BOD1L1: variants seen among roughly 807,000 people sequenced by gnomAD.
BOD1L1 encodes biorientation of chromosomes in cell division protein 1-like 1.
In BOD1L1, 86 loss-of-function variants were observed where a neutral mutation model predicts 240.7. That is an observed-to-expected ratio of 0.36 (90% CI 0.30 to 0.43). The LOEUF is 0.43. Among genes scored for constraint, BOD1L1 ranks in the 20% least tolerant of loss-of-function variants. The pLI is 1.00. For missense variants in BOD1L1, 3,554 were observed against 3,643.5 expected (o/e 0.98, Z 0.63); for synonymous variants, 1,268 against 1,272.3 (o/e 1.00, Z 0.07).
chr4:13,608,496 T>G, intron 8 of BOD1L1, 34 bp downstream of exon 8: 5 of 1,476,224 alleles, frequency 3.4e-6, no homozygotes, highest in Non-Finnish European at 4.5e-6. Context: ...CAGGGGAGTG[T>G]TATAAGGGAA....
Position 13,607,193 on chromosome 4 carries a change from AG to A in BOD1L1, c.1743-5del. On this transcript the variant is annotated splice_region_variant and splice_polypyrimidine_tract_variant and intron_variant, in intron 8 of 25. Coordinates refer to ENST00000040738, the MANE Select transcript of BOD1L1 (RefSeq NM_148894.3). ...TTTGGAGTTCTCTTCAACATTCCTA[AG>A]GGGGAAAGAGTCAAATATAAAGCAT... The A allele has an allele frequency of 6.5e-7, 1 of 1,547,510 alleles. No individual in the cohort carries two copies. The highest frequency in any genetic ancestry group is 8.7e-7 in the Non-Finnish European group (1 of 1,147,000).
chr4:13,581,675 T>A (rs573172311), intron 19 of BOD1L1, among the ~76,000 whole-genome samples: 1 of 152,268 alleles, frequency 6.6e-6, no homozygotes, highest in African/African-American at 2.4e-5. Context: ...GTCTCTTGAT[T>A]TATGGTGCTC....
rs763986375 is a variant in BOD1L1 at position 13,602,297 on chromosome 4, C to T, written c.4603G>A (p.Ala1535Thr). The change falls in exon 10 of 26, where the codon GCT becomes ACT. Residue 1535 changes from alanine to threonine, a missense_variant. Physicochemically the swap from Ala to Thr is moderately conservative, Grantham distance 58. Coordinates refer to ENST00000040738, the MANE Select transcript of BOD1L1 (RefSeq NM_148894.3). Reference protein sequence around the residue: ...DKDVTLSPVKAGPATTTSSET... With the variant: ...DKDVTLSPVKTGPATTTSSET... ...GAAGAAGTGGTTGTGGCAGGCCCAG[C>T]CTTCACTGGACTTAAGGTGACATCT... 4 of 1,613,800 alleles carry T rather than the reference C, an allele frequency of 2.5e-6. No homozygotes were observed. In the East Asian group the frequency reaches 6.7e-5, roughly 27 times the overall value.
chr4:13,602,302 A>C lies in BOD1L1; in HGVS notation c.4598T>G (p.Val1533Gly), dbSNP rs750512286. Reference protein sequence around the residue: ...GKDKDVTLSPVKAGPATTTSS... With the variant: ...GKDKDVTLSPGKAGPATTTSS... ...AGTGGTTGTGGCAGGCCCAGCCTTC[A>C]CTGGACTTAAGGTGACATCTTTGTC... Residue 1533 changes from valine (V) to glycine (G), a missense_variant, in exon 10 of 26, where the codon GTG (valine) becomes GGG (glycine). Transcript: ENST00000040738. 1.2e-6 allele frequency: 2 copies of C among 1,613,822 alleles called. No homozygotes were observed. Among genetic ancestry groups the C allele is most frequent in the South Asian group, 2.2e-5 (2 of 91,050 alleles).
intron 25 of BOD1L1, among the ~76,000 whole-genome samples, chr4:13,571,974 G>A (rs946136916): frequency 6.6e-6 from 1 of 152,340 alleles, no homozygotes; most frequent in East Asian, 1.9e-4. Flanking sequence ...AATGTGGTAA[G>A]AGGTCAAAAC....
chr4:13,614,005 T>C (rs757331964), intron 4 of BOD1L1, among the ~76,000 whole-genome samples, 191 bp downstream of exon 4: 15 of 152,176 alleles, frequency 9.9e-5, no homozygotes, highest in Non-Finnish European at 1.8e-4. Context: ...TTCTGTTAAT[T>C]TACTCTGTGA....
chr4:13,592,130 A>G, intron 12 of BOD1L1, 164 bp from the exon 13 acceptor site: 1 of 569,968 alleles, frequency 1.8e-6, no homozygotes, highest in South Asian at 2.5e-5. Flanking sequence ...CCCACAATCA[A>G]TCCATGTTGT....
At chr4:13,627,284 G>A (rs925034400) in intron 1 of BOD1L1, 61 bp downstream of exon 1, 7 of 1,015,036 alleles carry the variant, frequency 6.9e-6, no homozygotes, top group East Asian at 4.1e-5. Context: ...CACTGCAAAA[G>A]AAGCGCGCCC....
intron 2 of BOD1L1, among the ~76,000 whole-genome samples, chr4:13,616,639 A>G (rs1716615895): frequency 6.6e-6 from 1 of 152,236 alleles, no homozygotes; most frequent in Admixed American, 6.5e-5. Flanking sequence ...TCTCTATGGA[A>G]TGGATGAGGA....
intron 9 of BOD1L1, among the ~76,000 whole-genome samples, chr4:13,605,823 C>T (rs921450818): frequency 5.9e-5 from 9 of 152,050 alleles, no homozygotes; most frequent in African/African-American, 1.4e-4. Flanking sequence ...TACACAATAA[C>T]GCACAGTAAC....
Position 13,604,253 on chromosome 4 carries a change from T to C in BOD1L1, c.2647A>G (p.Met883Val), listed in dbSNP as rs1438369329. 3 of 1,613,486 alleles carry C rather than the reference T, an allele frequency of 1.9e-6. No homozygotes were observed. Among genetic ancestry groups the C allele is most frequent in the South Asian group, 1.1e-5 (1 of 90,874 alleles). The stretch of plus-strand genomic sequence containing the variant: ...TCTTCTGGTTTCAAATTACTATCCA[T>C]GTTAGTGGAGTCCATATCACACTTA... ...EDKCDMDSTN[M>V]DSNLKPEEVV... Residue 883 changes from methionine to valine, a missense_variant, in exon 10 of 26, where the codon ATG becomes GTG. Met to Val is a conservative substitution (Grantham distance 21). This residue lies in a region of BOD1L1 where 3,393 missense variants were observed against 3,427.1 expected (regional missense o/e 0.99). Coordinates refer to ENST00000040738, the MANE Select transcript of BOD1L1 (RefSeq NM_148894.3).
rs1003783528 is a variant in BOD1L1 at position 13,620,128 on chromosome 4, A to C, written c.244-61T>G. 2.8e-5 allele frequency: 41 copies of C among 1,473,252 alleles called. No homozygotes were observed. The African/African-American group carries it at 5.4e-4, about 19-fold the overall frequency. 91.3% of individuals were successfully genotyped at this position (1,473,252 alleles called of 1,614,324 possible). A position where few individuals can be genotyped will look rare whatever the true frequency, so the allele number is the denominator to read the frequency against. ...TATACAGTATCAATATTCACCTCTC[A>C]GAAAAGTATTTTTACCATGGGACAA... is the stretch of plus-strand genomic sequence containing the variant. On this transcript the variant is annotated intron_variant, in intron 1 of 25. Coordinates refer to ENST00000040738, the MANE Select transcript of BOD1L1 (RefSeq NM_148894.3).
Position 13,603,829 on chromosome 4 carries a change from C to A in BOD1L1, c.3071G>T (p.Ser1024Ile). ...TATGTCTTTACTACTATGCTTTAAG[C>A]TTCTGCTTTTGTGGCCATCTGACAA... ...RKLSDGHKSRSLKHSSKDIKK... is the reference protein window; with the variant it reads ...RKLSDGHKSRILKHSSKDIKK... The change falls in exon 10 of 26, where the codon AGC becomes ATC. Residue 1024 changes from serine (S) to isoleucine (I), a missense_variant. By Grantham distance (142) the Ser-to-Ile change is moderately radical. This residue lies in a region of BOD1L1 where 3,393 missense variants were observed against 3,427.1 expected (regional missense o/e 0.99). Coordinates refer to ENST00000040738, the MANE Select transcript of BOD1L1 (RefSeq NM_148894.3). 6.2e-7 allele frequency: 1 copy of A among 1,613,414 alleles called. No individual in the cohort carries two copies. Among genetic ancestry groups the A allele is most frequent in the South Asian group, 1.1e-5 (1 of 91,074 alleles).
chr4:13,570,272 T>C (rs772165835), intron 25 of BOD1L1, 144 bp from the exon 26 acceptor site: 2 of 542,220 alleles, frequency 3.7e-6, no homozygotes, highest in East Asian at 3.6e-5. Context: ...GAAAAGGAGC[T>C]ACCTCGCGAA....
chr4:13,613,616 G>C lies in BOD1L1; in HGVS notation c.1220C>G (p.Thr407Arg). ...DSDVDGLTDI[T>R]VSSVHTSDLS... ...GTCACTGGTATGAACAGAGCTAACT[G>C]TGATGTCTGTAAGTCCATCCACATC... Residue 407 changes from threonine to arginine, a missense_variant, in exon 5 of 26, where the codon ACA becomes AGA. Physicochemically the swap from Thr to Arg is moderately conservative, Grantham distance 71 (BLOSUM62 -1). Transcript: ENST00000040738. The surrounding 1 kb of genome is among the most constrained non-coding windows in gnomAD (Gnocchi z 4.0). The C allele has an allele frequency of 6.2e-7, 1 of 1,607,076 alleles. No individual in the cohort carries two copies. The highest frequency in any genetic ancestry group is 8.5e-7 in the Non-Finnish European group (1 of 1,175,140).
At chr4:13,589,193 C>G (rs189695361) in intron 14 of BOD1L1, among the ~76,000 whole-genome samples, 12 of 152,212 alleles carry the variant, frequency 7.9e-5, no homozygotes, top group Admixed American at 2.0e-4. Context: ...CAAACAATAC[C>G]AAATATGGCA....
At chr4:13,621,452 A>G (rs1444463795) in intron 1 of BOD1L1, among the ~76,000 whole-genome samples, 1 of 152,188 alleles carries the variant, frequency 6.6e-6, no homozygotes, top group Non-Finnish European at 1.5e-5. Flanking sequence ...TCACCTTCAG[A>G]GCTCACCCTA....
chr4:13,592,161 G>T (rs575188958), intron 12 of BOD1L1, 195 bp from the exon 13 acceptor site: 31 of 493,854 alleles, frequency 6.3e-5, no homozygotes, highest in African/African-American at 4.9e-4. Context: ...TATACTACCA[G>T]AAAAAGACAA....
intron 1 of BOD1L1, chr4:13,625,070 G>T (rs1300583073): frequency 6.6e-6 from 1 of 152,114 alleles, no homozygotes; most frequent in Non-Finnish European, 1.5e-5. Flanking sequence ...ACTAGAAGAA[G>T]GGTTGATCAT....
Sources: allele counts gnomAD v4.1 joint callset (sites outside exome capture counted in the v4.1 genomes callset), GRCh38; gene constraint gnomAD v4.1.1; regional missense constraint gnomAD v4.1.1; non-coding constraint Gnocchi (gnomAD v3.1); transcripts MANE v1.5; gene names NCBI Gene and HGNC (gene_info 2026-07-23, HGNC 2026-07-21).